The following MAP3K4 variants were observed in gnomAD, a reference collection of about 807,000 sequenced individuals.
MAP3K4 encodes MAP three kinase 1.
A neutral mutation model predicts 185.6 loss-of-function variants in MAP3K4; 67 were observed. That is an observed-to-expected ratio of 0.36 (90% CI 0.30 to 0.44). The LOEUF (loss-of-function observed/expected upper bound fraction) is 0.44. Ranked by LOEUF, MAP3K4 falls within the 20% of genes least tolerant of loss-of-function variation. The pLI is 1.00. For synonymous variants in MAP3K4, 702 were observed against 710.4 expected, an observed-to-expected ratio of 0.99 and a Z score of 0.19; for missense variants, 1,551 against 1,995.1, an observed-to-expected ratio of 0.78 and a Z score of 4.24.
intron 1 of MAP3K4, among the ~76,000 whole-genome samples, chr6:161,004,708 CAATA>C (rs1222525074): frequency 6.6e-6 from 1 of 152,116 alleles, no homozygotes; most frequent in African/African-American, 2.4e-5. Flanking sequence ...ACCCAAGTGA[CAATA>C]AATATTTTGA....
At chr6:161,005,403 G>A (rs904416571) in intron 1 of MAP3K4, among the ~76,000 whole-genome samples, 4 of 152,138 alleles carry the variant, frequency 2.6e-5, no homozygotes, top group Non-Finnish European at 5.9e-5. Context: ...GTCTCGCAAA[G>A]TGCTGGGATT....
intron 1 of MAP3K4, among the ~76,000 whole-genome samples, chr6:161,023,407 C>T (rs1053473393): frequency 6.6e-6 from 1 of 152,170 alleles, no homozygotes; most frequent in Admixed American, 6.5e-5. Context: ...TCATGCTAAC[C>T]TAAAGCCGTT....
At chr6:161,094,338 T>C (rs549935524) in intron 15 of MAP3K4, among the ~76,000 whole-genome samples, 1 of 152,240 alleles carries the variant, frequency 6.6e-6, no homozygotes, top group East Asian at 1.9e-4. Context: ...TTGGTTTTAC[T>C]GTTTAAAAAA....
chr6:161,111,974 G>A lies in MAP3K4; in HGVS notation c.4519+16G>A, dbSNP rs1044421380. On this transcript the variant is annotated intron_variant, in intron 24 of 26. Coordinates refer to ENST00000392142, the MANE Select transcript of MAP3K4 (RefSeq NM_005922.4). ...GGGACAGCAGGTAGGGACCAGCCTG[G>A]TTGTTCTTTGCACTCTGACTTCATG... 1.6e-5 allele frequency: 26 copies of A among 1,613,016 alleles called. No homozygotes were observed. Among genetic ancestry groups the A allele is most frequent in the Non-Finnish European group, 2.2e-5 (26 of 1,179,580 alleles).
chr6:161,079,653 A>G lies in MAP3K4; in HGVS notation c.2098-1228A>G, dbSNP rs528112491. ...AGGAAGAAGCTGTCCTCAGGAAGGA[A>G]AAACACGGAGATGGGGGAGCTCACC... On this transcript the variant is annotated intron_variant, in intron 5 of 26. Coordinates refer to ENST00000392142, the MANE Select transcript of MAP3K4 (RefSeq NM_005922.4). 2.0e-5 allele frequency among the ~76,000 whole-genome samples: 3 copies of G among 152,342 alleles called. No homozygotes were observed. In the East Asian group the frequency reaches 5.8e-4, roughly 29 times the overall value.
chr6:161,079,182 C>T (rs929759193), intron 5 of MAP3K4, among the ~76,000 whole-genome samples: 1 of 134,286 alleles, frequency 7.4e-6, no homozygotes, highest in Non-Finnish European at 1.5e-5. Context: ...CCATTGCACT[C>T]CAACCTGGGA....
Position 161,070,805 on chromosome 6 carries a change from G to A in MAP3K4, c.1905G>A (p.Leu635=), listed in dbSNP as rs1407748916. 6.2e-7 allele frequency: 1 copy of A among 1,613,880 alleles called. No homozygotes were observed. Residue 635 remains leucine (L), a synonymous_variant, in exon 4 of 27, where the codon TTG becomes TTA. Transcript: ENST00000392142. This position sits in a 1 kb window ranked among gnomAD's most constrained non-coding sequence, Gnocchi z 4.5. ...TACATGAGTGTCTGAAGTTAAGATT[G>A]GAGCAGAGACCTGCTGGAGAACCAT... The part of the protein sequence containing the change: ...NVIHECLKLR[L]EQRPAGEPSL...
rs1371996894 is a variant in MAP3K4, at chr6:161,008,587, T to C, written c.152+16504T>C. Among the ~76,000 whole-genome samples the C allele has an allele frequency of 6.6e-6, 1 of 152,226 alleles. No individual in the cohort carries two copies. The highest frequency in any genetic ancestry group is 1.5e-5 in the Non-Finnish European group (1 of 68,032). ...TCTACTTTGTGTTTAAATTTTTGTA[T>C]GATATTTATTGTTGTATAATTTAAC... On this transcript the variant is annotated intron_variant, in intron 1 of 26. Coordinates refer to ENST00000392142, the MANE Select transcript of MAP3K4 (RefSeq NM_005922.4). The surrounding 1 kb of genome is among the most constrained non-coding windows in gnomAD (Gnocchi z 4.1).
At chr6:161,079,605 A>G (rs1181344591) in intron 5 of MAP3K4, among the ~76,000 whole-genome samples, 1 of 152,184 alleles carries the variant, frequency 6.6e-6, no homozygotes, top group Non-Finnish European at 1.5e-5. Flanking sequence ...AAAAAGACAG[A>G]TAGTTGCCCC....
At chr6:161,025,580 C>G (rs2115130818) in intron 1 of MAP3K4, among the ~76,000 whole-genome samples, 1 of 152,302 alleles carries the variant, frequency 6.6e-6, no homozygotes, top group East Asian at 1.9e-4. Context: ...AAAGTAACTT[C>G]AGCTAAGGAG....
In MAP3K4 at chr6:161,112,026, C is replaced by A; in HGVS notation, c.4519+68C>A. On this transcript the variant is annotated intron_variant, in intron 24 of 26. Transcript: ENST00000392142. This position sits in a 1 kb window ranked among gnomAD's most constrained non-coding sequence, Gnocchi z 5.1. The stretch of plus-strand genomic sequence containing the variant: ...AGCCTGCTTGGGGCCTGCATGTTCC[C>A]TTCACCTTTGTTTGTCAGTAGAGAT... 1 of 1,579,778 alleles carries A rather than the reference C, an allele frequency of 6.3e-7. No individual in the cohort carries two copies.
chr6:161,078,388 T>G (rs1239590907), intron 5 of MAP3K4, among the ~76,000 whole-genome samples: 1 of 152,190 alleles, frequency 6.6e-6, no homozygotes, highest in African/African-American at 2.4e-5. Flanking sequence ...GACGCCAGCA[T>G]GCTGATAGCA....
Position 161,101,041 on chromosome 6 carries a change from A to G in MAP3K4, c.3675-851A>G, listed in dbSNP as rs1455137938. ...AATGTATAATAAGAGCATAAATGCT[A>G]CCATACTTCATTATACCATTCACTT... On this transcript the variant is annotated intron_variant, in intron 17 of 26. Coordinates refer to ENST00000392142, the MANE Select transcript of MAP3K4 (RefSeq NM_005922.4). This position sits in a 1 kb window ranked among gnomAD's most constrained non-coding sequence, Gnocchi z 5.1. 1 of 152,260 alleles carries G rather than the reference A, an allele frequency of 6.6e-6. No individual in the cohort carries two copies. Among genetic ancestry groups the G allele is most frequent in the African/African-American group, 2.4e-5 (1 of 41,466 alleles). The allele number at this position is 152,260 out of a possible 1,614,324, so 9.4% of individuals were successfully genotyped here.
rs369136215 is a variant in MAP3K4, at chr6:161,072,287, A to T, written c.1951-1179A>T. On this transcript the variant is annotated intron_variant, in intron 4 of 26. Coordinates refer to ENST00000392142, the MANE Select transcript of MAP3K4 (RefSeq NM_005922.4). ...TAGAAATTTAGAAAAGTACAAAAAA[A>T]GATAAAAAATCAAAATCAAAAATAA... is the stretch of plus-strand genomic sequence containing the variant. Among the ~76,000 whole-genome samples the T allele has an allele frequency of 5.1e-4, 77 of 152,372 alleles. No homozygotes were observed. In the East Asian group the frequency reaches 0.011, roughly 22 times the overall value.
intron 19 of MAP3K4, among the ~76,000 whole-genome samples, chr6:161,104,666 G>A (rs1331217723): frequency 4.7e-5 from 7 of 148,294 alleles, no homozygotes; most frequent in South Asian, 2.1e-4. Flanking sequence ...AACCAAGATC[G>A]TGCCCCTGTA....
At chr6:161,069,978 C>T (rs1023884734) in intron 3 of MAP3K4, among the ~76,000 whole-genome samples, 1 of 150,740 alleles carries the variant, frequency 6.6e-6, no homozygotes, top group African/African-American at 2.4e-5. Flanking sequence ...GCTAAAAGAA[C>T]GGGGGTGGGG....
chr6:161,059,148 T>TTTG (rs1023819237), intron 3 of MAP3K4, among the ~76,000 whole-genome samples: 23 of 152,062 alleles, frequency 1.5e-4, no homozygotes, highest in Admixed American at 1.2e-3. Context: ...ATTGATTTTT[T>TTTG]TTTTTAAGTC....
At position 161,054,486 on chromosome 6, in the gene MAP3K4, A is replaced by G; in HGVS notation, c.1707+4507A>G. Among the ~76,000 whole-genome samples, 1 of 152,202 alleles carries G rather than the reference A, an allele frequency of 6.6e-6. No homozygotes were observed. The highest frequency in any genetic ancestry group is 1.5e-5 in the Non-Finnish European group (1 of 68,040). ...AATTTTTCTCTAAAACTTTATTAAT[A>G]TTTCAAAATATTTTAAAAGAACTGA... On this transcript the variant is annotated intron_variant, in intron 3 of 26. Coordinates refer to ENST00000392142, the MANE Select transcript of MAP3K4 (RefSeq NM_005922.4). This position sits in a 1 kb window ranked among gnomAD's most constrained non-coding sequence, Gnocchi z 4.2.
intron 1 of MAP3K4, among the ~76,000 whole-genome samples, chr6:161,027,133 T>C (rs1284951509): frequency 2.6e-5 from 4 of 152,166 alleles, no homozygotes; most frequent in East Asian, 1.9e-4. Flanking sequence ...ATTCATTTCT[T>C]ATATAAAACT....
Sources: gnomAD v4.1 joint callset for allele counts (sites outside exome capture counted in the v4.1 genomes callset) on GRCh38, gnomAD v4.1.1 for gene constraint, Gnocchi (gnomAD v3.1) non-coding constraint, MANE v1.5 for transcripts, NCBI Gene and HGNC (gene_info 2026-07-23, HGNC 2026-07-21) for gene names.